Variants in B3GALT1 observed in about 807,000 individuals in gnomAD.
B3GALT1 encodes beta-1,3-galactosyltransferase 1, also known as UDP-Gal:betaGlcNAc beta 1,3-galactosyltransferase, polypeptide 1.
A neutral mutation model predicts 23.2 loss-of-function variants in B3GALT1; 10 were observed. The observed-to-expected ratio is 0.43, with a 90% confidence interval of 0.27 to 0.73. The LOEUF (loss-of-function observed/expected upper bound fraction) is 0.73. Among genes scored for constraint, B3GALT1 ranks in the 30% least tolerant of loss-of-function variants. The probability of loss-of-function intolerance (pLI) is 0.21; values close to 1 mark genes in which losing one functional copy is unlikely to be tolerated. For synonymous variants in B3GALT1, 156 were observed against 141.5 expected (o/e 1.10, Z -0.73); for missense variants, 299 against 405.4 (o/e 0.74, Z 2.25).
intron 3 of B3GALT1, among the ~76,000 whole-genome samples, chr2:167,789,163 A>G (rs1200693072): frequency 6.6e-6 from 1 of 152,234 alleles, no homozygotes; most frequent in Non-Finnish European, 1.5e-5. Flanking sequence ...GCATCGGAAG[A>G]CAGGTCACTA....
intron 2 of B3GALT1, among the ~76,000 whole-genome samples, chr2:167,585,189 T>A (rs1217182385): frequency 6.6e-6 from 1 of 152,190 alleles, no homozygotes; most frequent in African/African-American, 2.4e-5. Flanking sequence ...AAAGACCGAA[T>A]GAATTTTACA....
chr2:167,471,532 C>T (rs1699418306), intron 1 of B3GALT1, among the ~76,000 whole-genome samples: 1 of 152,130 alleles, frequency 6.6e-6, no homozygotes, highest in Non-Finnish European at 1.5e-5. Context: ...CCAGCTGATG[C>T]AGAGTTTGGT....
At chr2:167,670,965 A>G (rs1574203921) in intron 3 of B3GALT1, among the ~76,000 whole-genome samples, 1 of 152,316 alleles carries the variant, frequency 6.6e-6, no homozygotes, top group South Asian at 2.1e-4. Flanking sequence ...GAAAGAATGT[A>G]TATAGGCTGA....
chr2:167,587,348 C>T (rs1036853868), intron 2 of B3GALT1, among the ~76,000 whole-genome samples: 4 of 152,120 alleles, frequency 2.6e-5, no homozygotes, highest in African/African-American at 9.7e-5. Context: ...CCTTTGTAAA[C>T]ACGGCTTCTT....
Position 167,560,373 on chromosome 2 carries a change from G to A in B3GALT1, c.-410+70096G>A, listed in dbSNP as rs552972658. 7.2e-5 allele frequency among the ~76,000 whole-genome samples: 11 copies of A among 151,842 alleles called. No homozygotes were observed. In the East Asian group the frequency reaches 9.7e-4, roughly 13 times the overall value. ...ATCATGCCAAAATATAAAGACCATC[G>A]AGACTAGGAAGAAACTGCATCAACT... On this transcript the variant is annotated intron_variant, in intron 2 of 4. Coordinates refer to ENST00000392690, the MANE Select transcript of B3GALT1 (RefSeq NM_020981.4).
chr2:167,495,044 A>G (rs1699763005), intron 2 of B3GALT1, among the ~76,000 whole-genome samples: 1 of 152,198 alleles, frequency 6.6e-6, no homozygotes, highest in Non-Finnish European at 1.5e-5. Flanking sequence ...AAGATAAGGT[A>G]AAATGTTGTC....
chr2:167,419,799 A>G (rs1254343673), intron 1 of B3GALT1, among the ~76,000 whole-genome samples: 1 of 152,162 alleles, frequency 6.6e-6, no homozygotes, highest in Non-Finnish European at 1.5e-5. Flanking sequence ...TTATTCAGAA[A>G]CAGTCCCCTG....
chr2:167,399,965 T>C (rs1698161128), intron 1 of B3GALT1, among the ~76,000 whole-genome samples: 3 of 152,160 alleles, frequency 2.0e-5, no homozygotes, highest in Admixed American at 6.6e-5. Context: ...TGTTGCTTAA[T>C]AACTTTATGA....
chr2:167,404,637 G>A (rs1698246232), intron 1 of B3GALT1, among the ~76,000 whole-genome samples: 1 of 152,174 alleles, frequency 6.6e-6, no homozygotes, highest in African/African-American at 2.4e-5. Flanking sequence ...TCTTTTCATA[G>A]TAAAATTGAT....
chr2:167,778,555 G>A (rs1023704357), intron 3 of B3GALT1, among the ~76,000 whole-genome samples: 1 of 152,178 alleles, frequency 6.6e-6, no homozygotes, highest in African/African-American at 2.4e-5. Context: ...CTCACAGAGA[G>A]AAGAGACTGC....
At chr2:167,734,224 T>C (rs1371073102) in intron 3 of B3GALT1, among the ~76,000 whole-genome samples, 3 of 152,164 alleles carry the variant, frequency 2.0e-5, no homozygotes, top group Non-Finnish European at 4.4e-5. Context: ...CTCCCTATGA[T>C]ACTTTCAGAG....
At chr2:167,405,136 C>T (rs1698253411) in intron 1 of B3GALT1, among the ~76,000 whole-genome samples, 1 of 152,100 alleles carries the variant, frequency 6.6e-6, no homozygotes, top group South Asian at 2.1e-4. Flanking sequence ...CATATTGCTA[C>T]AATAGTTTTT....
intron 3 of B3GALT1, among the ~76,000 whole-genome samples, chr2:167,678,670 C>T (rs1166791737): frequency 6.6e-6 from 1 of 152,158 alleles, no homozygotes; most frequent in African/African-American, 2.4e-5. Flanking sequence ...CTATTAATTT[C>T]CATTTTCCAG....
intron 2 of B3GALT1, among the ~76,000 whole-genome samples, chr2:167,588,818 TTTCCTTCC>T (rs146662566): frequency 4.4e-4 from 65 of 146,392 alleles, no homozygotes; most frequent in South Asian, 3.2e-3. Context: ...AACCATTCTT[TTTCCTTCC>T]TTCCTTCCTT....
intron 1 of B3GALT1, among the ~76,000 whole-genome samples, chr2:167,449,110 A>AT (rs747763501): frequency 5.1e-4 from 78 of 151,554 alleles, no homozygotes; most frequent in South Asian, 1.2e-3. Flanking sequence ...GAATTTTAGG[A>AT]TTTTTTTTCT....
intron 1 of B3GALT1, among the ~76,000 whole-genome samples, chr2:167,318,046 G>C (rs1696745855): frequency 6.6e-6 from 1 of 152,020 alleles, no homozygotes; most frequent in South Asian, 2.1e-4. Flanking sequence ...CAAAATAAAG[G>C]GCCGGACGCG....
Position 167,560,817 on chromosome 2 carries a change from T to A in B3GALT1, c.-410+70540T>A, listed in dbSNP as rs1339567119. Among the ~76,000 whole-genome samples, 6 of 152,174 alleles carry A rather than the reference T, an allele frequency of 3.9e-5. No homozygotes were observed. The South Asian group carries it at 1.2e-3, about 32-fold the overall frequency. On this transcript the variant is annotated intron_variant, in intron 2 of 4. Transcript: ENST00000392690. ...CCAGATCCATAAAGCAAGTCCTGGG[T>A]GACCTACAAAGAGACTTAGACTCCC...
rs558860926 is a variant in B3GALT1, at chr2:167,755,108, T to A, written c.-351-63564T>A. The stretch of plus-strand genomic sequence containing the variant: ...AAACAGATTCTGTCCCACAGGTTGG[T>A]TTACAATTCAAAATTCGAAGCATAG... On this transcript the variant is annotated intron_variant, in intron 3 of 4. Coordinates refer to ENST00000392690, the MANE Select transcript of B3GALT1 (RefSeq NM_020981.4). Among the ~76,000 whole-genome samples, 8 of 152,228 alleles carry A rather than the reference T, an allele frequency of 5.3e-5. No individual in the cohort carries two copies. The East Asian group carries it at 1.5e-3, about 29-fold the overall frequency.
chr2:167,607,960 T>A (rs559865922), intron 2 of B3GALT1, among the ~76,000 whole-genome samples: 2 of 152,226 alleles, frequency 1.3e-5, no homozygotes, highest in Admixed American at 1.3e-4. Flanking sequence ...TCCATCCCAA[T>A]TATACTGTGA....
Sources: gnomAD v4.1 joint callset for allele counts (sites outside exome capture counted in the v4.1 genomes callset) on GRCh38, gnomAD v4.1.1 for gene constraint, MANE v1.5 for transcripts, NCBI Gene and HGNC (gene_info 2026-07-23, HGNC 2026-07-21) for gene names.